Variants in ALCAM observed in about 807,000 individuals in gnomAD.
ALCAM encodes activated leukocyte cell adhesion molecule, also known as CD166 antigen.
In ALCAM, 30 loss-of-function variants were observed where a neutral mutation model predicts 70.9. The observed-to-expected ratio is 0.42, with a 90% CI of 0.32 to 0.57. The LOEUF (loss-of-function observed/expected upper bound fraction) is 0.57, where lower values mean the gene tolerates loss of function less well. Among genes scored for constraint, ALCAM ranks in the 20% least tolerant of loss-of-function variants. The pLI is 0.11. For synonymous variants in ALCAM, 249 were observed against 242.5 expected (o/e 1.03, Z -0.25); for missense variants, 591 against 695.1 (o/e 0.85, Z 1.68).
At position 105,504,833 on chromosome 3, in the gene ALCAM, G is replaced by T. The variant is rs117643315; in HGVS notation, c.74-15234G>T. On this transcript the variant is annotated intron_variant, in intron 1 of 15. Coordinates refer to ENST00000306107, the MANE Select transcript of ALCAM (RefSeq NM_001627.4). ...GGTGTGGGGACACAGGCCTGGGGGT[G>T]GAGCCCTAGCCAGGGACCACGTCCC... 4.1e-4 allele frequency among the ~76,000 whole-genome samples: 63 copies of T among 152,326 alleles called. No individual in the cohort carries two copies. The East Asian group carries it at 0.011, about 28-fold the overall frequency.
chr3:105,562,706 T>A (rs1559657757), intron 14 of ALCAM, among the ~76,000 whole-genome samples: 1 of 152,198 alleles, frequency 6.6e-6, no homozygotes, highest in Non-Finnish European at 1.5e-5. Flanking sequence ...GTTAATTCGT[T>A]AAATATTTGA....
At chr3:105,525,957 T>G (rs1576221787) in intron 3 of ALCAM, among the ~76,000 whole-genome samples, 1 of 152,302 alleles carries the variant, frequency 6.6e-6, no homozygotes, top group South Asian at 2.1e-4. Flanking sequence ...GGCCCATGTA[T>G]TTTTTTCTTT....
chr3:105,393,140 A>G (rs1349388386), intron 1 of ALCAM, among the ~76,000 whole-genome samples: 1 of 151,822 alleles, frequency 6.6e-6, no homozygotes, highest in Non-Finnish European at 1.5e-5. Context: ...GTTACAATAA[A>G]CCTACAAACA....
chr3:105,468,599 T>C (rs955682868), intron 1 of ALCAM, among the ~76,000 whole-genome samples: 2 of 151,320 alleles, frequency 1.3e-5, no homozygotes, highest in Admixed American at 6.6e-5. Flanking sequence ...TGGCAGTACA[T>C]GTAAGGTTGC....
At chr3:105,440,373 C>T (rs980841328) in intron 1 of ALCAM, among the ~76,000 whole-genome samples, 1 of 152,110 alleles carries the variant, frequency 6.6e-6, no homozygotes, top group Non-Finnish European at 1.5e-5. Flanking sequence ...ATCTACTGCC[C>T]GTCTTAGAAT....
intron 2 of ALCAM, among the ~76,000 whole-genome samples, chr3:105,523,069 G>A (rs1939588236): frequency 6.6e-6 from 1 of 150,456 alleles, no homozygotes; most frequent in Admixed American, 6.6e-5. Flanking sequence ...GAACCCGGGA[G>A]GCGGAGCTTG....
chr3:105,510,073 T>C (rs895548720), intron 1 of ALCAM, among the ~76,000 whole-genome samples: 1 of 152,032 alleles, frequency 6.6e-6, no homozygotes. Flanking sequence ...GAAAAGCAGA[T>C]GTCAAAATGG....
At chr3:105,438,773 G>T (rs1937108127) in intron 1 of ALCAM, among the ~76,000 whole-genome samples, 1 of 152,082 alleles carries the variant, frequency 6.6e-6, no homozygotes, top group Non-Finnish European at 1.5e-5. Context: ...CCTGCACTTT[G>T]GGAAGCTGAG....
At chr3:105,524,153 CTT>C in intron 2 of ALCAM, 134 bp from the exon 3 acceptor site, 1 of 739,456 alleles carries the variant, frequency 1.4e-6, no homozygotes. Context: ...TTACGTGAGA[CTT>C]GTATAAAAAT....
chr3:105,567,683 C>T (rs148761303), intron 14 of ALCAM, among the ~76,000 whole-genome samples: 82 of 152,224 alleles, frequency 5.4e-4, no homozygotes, highest in African/African-American at 1.8e-3. Context: ...CTCATTGTTA[C>T]CAAATTTTCC....
rs573927198 is a variant in ALCAM, at chr3:105,382,748, C to T, written c.73+15267C>T. Among the ~76,000 whole-genome samples, 4 of 151,800 alleles carry T rather than the reference C, an allele frequency of 2.6e-5. No individual in the cohort carries two copies. The East Asian group carries it at 5.8e-4, about 22-fold the overall frequency. ...CTGCATAAATGTCTTCTTTTGAGAA[C>T]TGTCTGTTCATATCCTTTGCCCACT... is the stretch of plus-strand genomic sequence containing the variant. On this transcript the variant is annotated intron_variant, in intron 1 of 15. Coordinates refer to ENST00000306107, the MANE Select transcript of ALCAM (RefSeq NM_001627.4).
At chr3:105,518,033 T>C (rs1034084230) in intron 1 of ALCAM, among the ~76,000 whole-genome samples, 1 of 152,134 alleles carries the variant, frequency 6.6e-6, no homozygotes, top group African/African-American at 2.4e-5. Context: ...TATGTATATG[T>C]AGCACATTAA....
intron 6 of ALCAM, among the ~76,000 whole-genome samples, chr3:105,537,754 A>T (rs1394504935): frequency 6.6e-6 from 1 of 152,140 alleles, no homozygotes; most frequent in Non-Finnish European, 1.5e-5. Context: ...TGCAGGTTTT[A>T]TGTGGTCATA....
intron 14 of ALCAM, among the ~76,000 whole-genome samples, chr3:105,567,808 C>A (rs1224775847): frequency 5.3e-5 from 8 of 151,966 alleles, no homozygotes; most frequent in Admixed American, 4.6e-4. Context: ...TTACATTTTT[C>A]TATTCAGTGT....
intron 14 of ALCAM, among the ~76,000 whole-genome samples, chr3:105,554,213 A>G (rs1307139101): frequency 6.6e-6 from 1 of 151,874 alleles, no homozygotes; most frequent in Non-Finnish European, 1.5e-5. Flanking sequence ...GTTAATGTGT[A>G]GTTCCAGGCT....
intron 1 of ALCAM, among the ~76,000 whole-genome samples, chr3:105,498,229 G>T (rs1319710553): frequency 6.6e-6 from 1 of 152,032 alleles, no homozygotes; most frequent in Non-Finnish European, 1.5e-5. Context: ...CTGGTGTCAG[G>T]GTTCAAAACC....
In ALCAM at chr3:105,369,041, G is replaced by A. The variant is rs139080442; in HGVS notation, c.73+1560G>A. Reference sequence around the variant, plus strand: ...TCACTTTTTCGAGATTCCACTGTCCGATGGAGGAAAGGACACTTTGGAGCC... The same window carrying A: ...TCACTTTTTCGAGATTCCACTGTCCAATGGAGGAAAGGACACTTTGGAGCC... On this transcript the variant is annotated intron_variant, in intron 1 of 15. Transcript: ENST00000306107. Among the ~76,000 whole-genome samples the A allele has an allele frequency of 2.6e-5, 4 of 152,256 alleles. No individual in the cohort carries two copies. In the East Asian group the frequency reaches 7.7e-4, roughly 29 times the overall value.
At chr3:105,563,176 C>G (rs533951529) in intron 14 of ALCAM, among the ~76,000 whole-genome samples, 1 of 146,622 alleles carries the variant, frequency 6.8e-6, no homozygotes, top group African/African-American at 2.5e-5. Context: ...ATAATTTATC[C>G]ATTTCATTTA....
chr3:105,532,603 T>C (rs1939867196), intron 4 of ALCAM, among the ~76,000 whole-genome samples: 1 of 151,894 alleles, frequency 6.6e-6, no homozygotes, highest in South Asian at 2.1e-4. Flanking sequence ...AGCCAGACCC[T>C]GTGTAGAAAA....
Sources: gnomAD v4.1 joint callset for allele counts (sites outside exome capture counted in the v4.1 genomes callset) on GRCh38, gnomAD v4.1.1 for gene constraint, MANE v1.5 for transcripts, NCBI Gene and HGNC (gene_info 2026-07-23, HGNC 2026-07-21) for gene names.